Variants in AGAP1 observed in about 807,000 individuals in gnomAD.
AGAP1 encodes ArfGAP with GTPase domain, ankyrin repeat and PH domain 1.
A neutral mutation model predicts 105.3 loss-of-function variants in AGAP1; 29 were observed. The observed-to-expected ratio is 0.28, with a 90% confidence interval of 0.21 to 0.38. The LOEUF is 0.38. Among genes scored for constraint, AGAP1 ranks in the 10% least tolerant of loss-of-function variants. AGAP1 has a pLI of 1.00. For synonymous variants in AGAP1, 509 were observed against 485.9 expected (o/e 1.05, Z -0.63); for missense variants, 998 against 1,165.1 (o/e 0.86, Z 2.09).
rs1029523159 is a variant in AGAP1, at chr2:235,981,815, G to A, written c.1645+13192G>A. On this transcript the variant is annotated intron_variant, in intron 13 of 17. Transcript: ENST00000304032. The surrounding 1 kb of genome is among the most constrained non-coding windows in gnomAD (Gnocchi z 5.5). ...AGCAGCGATAGGGCCACCGATCCAG[G>A]CGAGGGCAGCAGTGCTCGCCGCCTC... is the stretch of plus-strand genomic sequence containing the variant. 2.6e-5 allele frequency among the ~76,000 whole-genome samples: 4 copies of A among 152,194 alleles called. No individual in the cohort carries two copies. Among genetic ancestry groups the A allele is most frequent in the African/African-American group, 9.7e-5 (4 of 41,438 alleles).
Position 235,843,047 on chromosome 2 carries a change from G to A in AGAP1, c.1050+35716G>A, listed in dbSNP as rs1366926296. On this transcript the variant is annotated intron_variant, in intron 9 of 17. Coordinates refer to ENST00000304032, the MANE Select transcript of AGAP1 (RefSeq NM_001037131.3). The surrounding 1 kb of genome is among the most constrained non-coding windows in gnomAD (Gnocchi z 5.9). ...CGGCCCGTGTGAGATTTGATGTGAAGTTGAGGACACGGGTCTTCATAATGA... is the reference window on the plus strand; with the variant it reads ...CGGCCCGTGTGAGATTTGATGTGAAATTGAGGACACGGGTCTTCATAATGA... Among the ~76,000 whole-genome samples, 2 of 152,164 alleles carry A rather than the reference G, an allele frequency of 1.3e-5. No individual in the cohort carries two copies. Among genetic ancestry groups the A allele is most frequent in the Non-Finnish European group, 2.9e-5 (2 of 68,028 alleles).
At chr2:235,768,275 A>G (rs1955142232) in intron 6 of AGAP1, among the ~76,000 whole-genome samples, 1 of 152,216 alleles carries the variant, frequency 6.6e-6, no homozygotes, top group Non-Finnish European at 1.5e-5. Context: ...CAATTTCTAT[A>G]TTTGTAAAAT....
intron 1 of AGAP1, among the ~76,000 whole-genome samples, chr2:235,632,181 T>G (rs891060349): frequency 6.6e-6 from 1 of 152,250 alleles, no homozygotes; most frequent in African/African-American, 2.4e-5. Flanking sequence ...GATCCAGAGC[T>G]TAGCCGCCCT....
At position 235,961,123 on chromosome 2, in the gene AGAP1, G is replaced by T. The variant is rs370115336; in HGVS notation, c.1484-7339G>T. 1.3e-5 allele frequency among the ~76,000 whole-genome samples: 2 copies of T among 152,198 alleles called. No individual in the cohort carries two copies. Among genetic ancestry groups the T allele is most frequent in the African/African-American group, 4.8e-5 (2 of 41,454 alleles). The stretch of plus-strand genomic sequence containing the variant: ...GCGAAGGCCTGCCTTCCTGAAGCTC[G>T]AGCGCTCATAGGGAAGATGTTCCGT... On this transcript the variant is annotated intron_variant, in intron 12 of 17. Coordinates refer to ENST00000304032, the MANE Select transcript of AGAP1 (RefSeq NM_001037131.3). This position sits in a 1 kb window ranked among gnomAD's most constrained non-coding sequence, Gnocchi z 5.9.
At chr2:235,935,357 C>T (rs953190245) in intron 12 of AGAP1, among the ~76,000 whole-genome samples, 1 of 152,166 alleles carries the variant, frequency 6.6e-6, no homozygotes, top group Non-Finnish European at 1.5e-5. Context: ...ACATATTCAT[C>T]TTGAGCCTCT....
At position 235,574,295 on chromosome 2, in the gene AGAP1, G is replaced by A. The variant is rs565894791; in HGVS notation, c.163+79446G>A. ...CTGCCATCAGGCATTAAAATCTTCC[G>A]AACAGAAAAGCTGAAAATGTTCCCT... On this transcript the variant is annotated intron_variant, in intron 1 of 17. Transcript: ENST00000304032. The surrounding 1 kb of genome is among the most constrained non-coding windows in gnomAD (Gnocchi z 5.0). 1.3e-5 allele frequency among the ~76,000 whole-genome samples: 2 copies of A among 152,178 alleles called. No homozygotes were observed. The highest frequency in any genetic ancestry group is 2.9e-5 in the Non-Finnish European group (2 of 68,036).
chr2:235,940,103 A>C (rs1214022892), intron 12 of AGAP1, among the ~76,000 whole-genome samples: 1 of 152,008 alleles, frequency 6.6e-6, no homozygotes, highest in East Asian at 1.9e-4. Flanking sequence ...CCAGTAGTTC[A>C]AAACACACCC....
At position 235,931,009 on chromosome 2, in the gene AGAP1, C is replaced by G; in HGVS notation, c.1483+86C>G. On this transcript the variant is annotated intron_variant, in intron 12 of 17. Transcript: ENST00000304032. This position sits in a 1 kb window ranked among gnomAD's most constrained non-coding sequence, Gnocchi z 5.6. Reference sequence around the variant, plus strand: ...GGGGCTGGACAGGACGCCCTAAGCTCTCATGCTCCTCTGGGAGCGCAGCAC... The same window carrying G: ...GGGGCTGGACAGGACGCCCTAAGCTGTCATGCTCCTCTGGGAGCGCAGCAC... 6.8e-7 allele frequency: 1 copy of G among 1,469,658 alleles called. No individual in the cohort carries two copies. The highest frequency in any genetic ancestry group is 9.1e-7 in the Non-Finnish European group (1 of 1,096,034). 91.0% of individuals were successfully genotyped at this position (1,469,658 alleles called of 1,614,324 possible).
At chr2:236,025,017 G>A (rs955606680) in intron 13 of AGAP1, among the ~76,000 whole-genome samples, 5 of 152,208 alleles carry the variant, frequency 3.3e-5, no homozygotes, top group Admixed American at 2.0e-4. Flanking sequence ...GCTTTGGGGT[G>A]TGGTGGCATC....
chr2:235,998,828 GTGA>G (rs751649501), intron 13 of AGAP1, among the ~76,000 whole-genome samples: 3 of 147,332 alleles, frequency 2.0e-5, no homozygotes, highest in Non-Finnish European at 3.1e-5. Context: ...GTGAGAGTTG[GTGA>G]TGGTGGTGGT....
At chr2:235,534,266 G>A (rs746338245) in intron 1 of AGAP1, among the ~76,000 whole-genome samples, 97 of 152,274 alleles carry the variant, frequency 6.4e-4, no homozygotes, top group Non-Finnish European at 1.2e-3. Flanking sequence ...ATGAGGGGAG[G>A]ACTAGGGAAG....
At chr2:235,568,101 G>T (rs62189169) in intron 1 of AGAP1, among the ~76,000 whole-genome samples, 4 of 152,008 alleles carry the variant, frequency 2.6e-5, no homozygotes, top group Admixed American at 6.5e-5. Context: ...CACTGACCTC[G>T]TGATGTCTCT....
rs1487737250 is a variant in AGAP1 at position 235,551,429 on chromosome 2, C to CCAAGTAGCTGGGACTACAGGT, written c.163+56581_163+56601dup. On this transcript the variant is annotated intron_variant, in intron 1 of 17. Transcript: ENST00000304032. The surrounding 1 kb of genome is among the most constrained non-coding windows in gnomAD (Gnocchi z 4.8). ...CAGGTCGTCCTCCCAGCTCAGCCTCCCAAGTAGCTGGGACTACAGGTGCGC... is the reference window on the plus strand; with the variant it reads ...CAGGTCGTCCTCCCAGCTCAGCCTCCCAAGTAGCTGGGACTACAGGTCAAGTAGCTGGGACTACAGGTGCGC... 3.3e-5 allele frequency among the ~76,000 whole-genome samples: 5 copies of CCAAGTAGCTGGGACTACAGGT among 152,066 alleles called. No individual in the cohort carries two copies. The highest frequency in any genetic ancestry group is 5.9e-5 in the Non-Finnish European group (4 of 68,014).
At chr2:236,085,215 C>CAA (rs144353985) in intron 16 of AGAP1, among the ~76,000 whole-genome samples, 1,025 of 56,368 alleles carry the variant, frequency 0.018, 24 homozygotes, top group African/African-American at 0.04. Flanking sequence ...GACTCCGTCT[C>CAA]AAAAAAAAAA....
rs183040890 is a variant in AGAP1 at position 235,981,289 on chromosome 2, C to T, written c.1645+12666C>T. Among the ~76,000 whole-genome samples the T allele has an allele frequency of 3.9e-4, 60 of 152,180 alleles. No individual in the cohort carries two copies. Among genetic ancestry groups the T allele is most frequent in the African/African-American group, 1.4e-3 (58 of 41,534 alleles). ...AATTAAATAAATAGGTAGCTTTGTTCTTTGGCTTGATTATTCATTTGGGTC... is the reference window on the plus strand; with the variant it reads ...AATTAAATAAATAGGTAGCTTTGTTTTTTGGCTTGATTATTCATTTGGGTC... On this transcript the variant is annotated intron_variant, in intron 13 of 17. Transcript: ENST00000304032. This position sits in a 1 kb window ranked among gnomAD's most constrained non-coding sequence, Gnocchi z 5.5.
Position 235,789,738 on chromosome 2 carries a change from G to A in AGAP1, c.674-8021G>A, listed in dbSNP as rs1307761254. ...AGTCAACAAAGGATTACCACCCACC[G>A]AACCCTTTCTCCTGCTGGCTTGCTT... On this transcript the variant is annotated intron_variant, in intron 6 of 17. Transcript: ENST00000304032. The surrounding 1 kb of genome is among the most constrained non-coding windows in gnomAD (Gnocchi z 4.2). Among the ~76,000 whole-genome samples, 3 of 152,250 alleles carry A rather than the reference G, an allele frequency of 2.0e-5. No individual in the cohort carries two copies. The South Asian group carries it at 6.2e-4, about 32-fold the overall frequency.
rs1469238027 is a variant in AGAP1, at chr2:235,550,249, G to A, written c.163+55400G>A. Among the ~76,000 whole-genome samples, 5 of 152,110 alleles carry A rather than the reference G, an allele frequency of 3.3e-5. No homozygotes were observed. The highest frequency in any genetic ancestry group is 5.9e-5 in the Non-Finnish European group (4 of 68,006). The stretch of plus-strand genomic sequence containing the variant: ...GCACCTCCTCGTCACAGTGTTCTCC[G>A]CAGCCCTGACTGGCGAGGAGGGCAC... On this transcript the variant is annotated intron_variant, in intron 1 of 17. Transcript: ENST00000304032. The surrounding 1 kb of genome is among the most constrained non-coding windows in gnomAD (Gnocchi z 4.6).
intron 1 of AGAP1, among the ~76,000 whole-genome samples, chr2:235,629,863 C>CAAAAAAAAAA (rs10691632): frequency 1.5e-4 from 14 of 95,620 alleles, no homozygotes; most frequent in African/African-American, 2.7e-4. Flanking sequence ...GACCCTGTCT[C>CAAAAAAAAAA]AAAAAAAAAA....
At chr2:235,529,149 C>T (rs973774640) in intron 1 of AGAP1, among the ~76,000 whole-genome samples, 11 of 152,202 alleles carry the variant, frequency 7.2e-5, no homozygotes, top group Non-Finnish European at 1.2e-4. Flanking sequence ...TTCCTTGCTG[C>T]GTTGTGACAG....
Sources: allele counts gnomAD v4.1 joint callset (sites outside exome capture counted in the v4.1 genomes callset), GRCh38; gene constraint gnomAD v4.1.1; non-coding constraint Gnocchi (gnomAD v3.1); transcripts MANE v1.5; gene names NCBI Gene and HGNC (gene_info 2026-07-23, HGNC 2026-07-21).